CRISP2: variants seen among roughly 807,000 people sequenced by gnomAD.
The protein encoded by CRISP2 is cysteine-rich secretory protein 2.
CRISP2 carries 29 observed loss-of-function variants against 31.7 expected under a neutral mutation model. The ratio of observed to expected loss-of-function variants is 0.92; its 90% CI spans 0.68 to 1.25. The LOEUF (loss-of-function observed/expected upper bound fraction) is 1.25. Ranked by LOEUF, CRISP2 falls within the 50% of genes most tolerant of loss-of-function variation. The pLI, the probability that CRISP2 is intolerant of heterozygous loss-of-function variation, is 0.00. For synonymous variants in CRISP2, 111 were observed against 101.4 expected, an observed-to-expected ratio of 1.09 and a Z score of -0.57; for missense variants, 318 against 286.5, an observed-to-expected ratio of 1.11 and a Z score of -0.79.
chr6:49,702,941 A>C (rs1417323669), intron 4 of CRISP2, among the ~76,000 whole-genome samples: 2 of 152,066 alleles, frequency 1.3e-5, no homozygotes, highest in African/African-American at 4.8e-5. Flanking sequence ...TCTAGAGTTT[A>C]CATGGTTTGG....
chr6:49,689,545 CTAAT>C (rs1335464992), downstream of CRISP2, among the ~76,000 whole-genome samples: 1 of 151,864 alleles, frequency 6.6e-6, no homozygotes, highest in Non-Finnish European at 1.5e-5. Context: ...ATTACTAAAA[CTAAT>C]TAGTTTAATG....
At position 49,696,065 on chromosome 6, in the gene CRISP2, G is replaced by A. The variant is rs887064881; in HGVS notation, c.516-141C>T. On this transcript the variant is annotated intron_variant, in intron 8 of 9. Coordinates refer to ENST00000339139, the MANE Select transcript of CRISP2 (RefSeq NM_003296.4). ...ACTGAAAAATTACAATTCCCAATGT[G>A]TATTTCAGATAACAATCCAAATTAA... is the stretch of plus-strand genomic sequence containing the variant. 6 of 535,096 alleles carry A rather than the reference G, an allele frequency of 1.1e-5. No individual in the cohort carries two copies. In the Admixed American group the frequency reaches 1.8e-4, roughly 16 times the overall value. 33.1% of individuals were successfully genotyped at this position (535,096 alleles called of 1,614,324 possible).
At chr6:49,685,587 T>C in the CRISP2 span, among the ~76,000 whole-genome samples, 1 of 152,208 alleles carries the variant, frequency 6.6e-6, no homozygotes, top group Non-Finnish European at 1.5e-5. Flanking sequence ...AATGTATTTA[T>C]TCATTTGTTC....
the CRISP2 span, among the ~76,000 whole-genome samples, chr6:49,684,851 C>G: frequency 6.6e-6 from 1 of 152,148 alleles, no homozygotes; most frequent in African/African-American, 2.4e-5. Flanking sequence ...TTGAAAGGGA[C>G]AGAAAGTCTA....
intron 8 of CRISP2, among the ~76,000 whole-genome samples, chr6:49,697,209 C>G (rs1764917274): frequency 6.6e-6 from 1 of 152,108 alleles, no homozygotes; most frequent in Non-Finnish European, 1.5e-5. Context: ...GTGGATAACT[C>G]TAAACATATT....
chr6:49,685,694 C>T, the CRISP2 span, among the ~76,000 whole-genome samples: 4 of 152,206 alleles, frequency 2.6e-5, 1 homozygote, highest in South Asian at 8.3e-4. Context: ...CATTTGTTTG[C>T]AGTTTTTATC....
chr6:49,685,408 C>T, the CRISP2 span, among the ~76,000 whole-genome samples: 1 of 152,294 alleles, frequency 6.6e-6, no homozygotes, highest in South Asian at 2.1e-4. Context: ...TCACTTTGTT[C>T]ACTGGTATTT....
At chr6:49,697,274 A>G (rs746840592) in intron 8 of CRISP2, among the ~76,000 whole-genome samples, 18 of 152,206 alleles carry the variant, frequency 1.2e-4, no homozygotes, top group Non-Finnish European at 2.2e-4. Context: ...AGATGGTTAA[A>G]GAGCTTTCTG....
chr6:49,689,455 T>A (rs1315412292), downstream of CRISP2, among the ~76,000 whole-genome samples: 1 of 152,130 alleles, frequency 6.6e-6, no homozygotes, highest in Non-Finnish European at 1.5e-5. Flanking sequence ...GAGTCCTGGA[T>A]GATAATAACA....
the CRISP2 span, among the ~76,000 whole-genome samples, chr6:49,682,592 TTTC>T: frequency 1.9e-5 from 1 of 52,014 alleles, no homozygotes; most frequent in Admixed American, 2.3e-4. Flanking sequence ...TTTCTTTTTC[TTTC>T]TTTCTTTCTT....
chr6:49,678,031 G>A, the CRISP2 span, among the ~76,000 whole-genome samples: 1 of 152,088 alleles, frequency 6.6e-6, no homozygotes, highest in South Asian at 2.1e-4. Context: ...GTCTCTCAGA[G>A]TGAAGGGCCA....
the CRISP2 span, among the ~76,000 whole-genome samples, chr6:49,677,246 T>C: frequency 6.6e-6 from 1 of 152,166 alleles, no homozygotes; most frequent in African/African-American, 2.4e-5. Context: ...TGTGATACGT[T>C]CTTTCCATTA....
intron 6 of CRISP2, 64 bp from the exon 7 acceptor site, chr6:49,698,571 C>G: frequency 1.3e-5 from 20 of 1,519,698 alleles, no homozygotes; most frequent in Non-Finnish European, 1.8e-5. Context: ...ATTGACTACA[C>G]AAACACAAAG....
In CRISP2 at chr6:49,697,843, C is replaced by A. The variant is rs761038589; in HGVS notation, c.515+17G>T. ...CAGATAGAATTATTGCCATTAAACTCTAAACAGTCTACTTACGCAGGACAA... is the reference window on the plus strand; with the variant it reads ...CAGATAGAATTATTGCCATTAAACTATAAACAGTCTACTTACGCAGGACAA... On this transcript the variant is annotated intron_variant, in intron 8 of 9. Transcript: ENST00000339139. 2 of 1,609,292 alleles carry A rather than the reference C, an allele frequency of 1.2e-6. No homozygotes were observed. The highest frequency in any genetic ancestry group is 1.1e-5 in the South Asian group (1 of 90,876).
chr6:49,682,549 CCCT>C, the CRISP2 span, among the ~76,000 whole-genome samples: 2 of 97,528 alleles, frequency 2.1e-5, no homozygotes, highest in Admixed American at 1.2e-4. Context: ...CTCCCTCCTT[CCCT>C]CCATCTTTCT....
chr6:49,703,501 GTGT>G (rs1001076879), intron 4 of CRISP2, among the ~76,000 whole-genome samples: 1 of 152,114 alleles, frequency 6.6e-6, no homozygotes, highest in African/African-American at 2.4e-5. Flanking sequence ...TCTTTCAGCA[GTGT>G]TCTGCAGTTT....
intron 6 of CRISP2, among the ~76,000 whole-genome samples, chr6:49,699,165 G>T (rs749386342): frequency 6.6e-6 from 1 of 151,838 alleles, no homozygotes; most frequent in Admixed American, 6.6e-5. Flanking sequence ...TTTAAAACTC[G>T]AATATAGTAT....
chr6:49,685,880 A>G, the CRISP2 span, among the ~76,000 whole-genome samples: 2 of 152,136 alleles, frequency 1.3e-5, no homozygotes, highest in Non-Finnish European at 2.9e-5. Flanking sequence ...AGTATGTAAG[A>G]CATTAATATA....
Position 49,692,796 on chromosome 6 carries a change from G to GT in CRISP2, c.708_709insA (p.Leu237ThrfsTer3). The GT allele has an allele frequency of 6.2e-7, 1 of 1,613,270 alleles. No homozygotes were observed. Among genetic ancestry groups the GT allele is most frequent in the Non-Finnish European group, 8.5e-7 (1 of 1,179,390 alleles). On this transcript the variant is annotated frameshift_variant, in exon 10 of 10. Transcript: ENST00000339139. LOFTEE classifies it high-confidence loss of function. Reference sequence around the variant, plus strand: ...AATCAGTAAATTTTGTTCTCACATAGGCAAGTAGCCTTGCACTTTTCCTTG... The same window carrying GT: ...AATCAGTAAATTTTGTTCTCACATAGTGCAAGTAGCCTTGCACTTTTCCTTG...
Sources: allele counts gnomAD v4.1 joint callset (sites outside exome capture counted in the v4.1 genomes callset), GRCh38; gene constraint gnomAD v4.1.1; transcripts MANE v1.5; gene names NCBI Gene and HGNC (gene_info 2026-07-23, HGNC 2026-07-21).